The following WDR86 variants were observed in gnomAD, a reference collection of about 807,000 sequenced individuals.
WDR86 encodes WD repeat domain 86.
WDR86 carries 30 observed loss-of-function variants against 36.5 expected under a neutral mutation model. The ratio of observed to expected loss-of-function variants is 0.82; its 90% CI spans 0.61 to 1.11. The LOEUF (loss-of-function observed/expected upper bound fraction) is 1.11. Ranked by LOEUF, WDR86 falls within the 50% of genes most tolerant of loss-of-function variation. The pLI, the probability that WDR86 is intolerant of heterozygous loss-of-function variation, is 0.00. For missense variants in WDR86, 545 were observed against 561.2 expected (o/e 0.97, Z 0.29); for synonymous variants, 255 against 252.9 (o/e 1.01, Z -0.08).
chr7:151,403,572 A>G (rs1800489094), intron 1 of WDR86, among the ~76,000 whole-genome samples: 1 of 152,206 alleles, frequency 6.6e-6, no homozygotes, highest in South Asian at 2.1e-4. Flanking sequence ...TAATTTAACA[A>G]AAAAGTTTTC....
intron 3 of WDR86, among the ~76,000 whole-genome samples, chr7:151,395,225 G>C (rs1416464906): frequency 1.3e-5 from 2 of 152,192 alleles, no homozygotes; most frequent in African/African-American, 4.8e-5. Flanking sequence ...ACAGCACAAA[G>C]ACAAACCAGG....
Position 151,382,018 on chromosome 7 carries a change from G to C in WDR86, c.863-37C>G, listed in dbSNP as rs1423875229. On this transcript the variant is annotated intron_variant, in intron 4 of 5. Coordinates refer to ENST00000334493, the MANE Select transcript of WDR86 (RefSeq NM_198285.3). ...CAGCGCGCGCTGGGCCTCCCTCCCT[G>C]CTCGGCCCCCCGCAAGCAGGGATGG... 4.5e-6 allele frequency: 7 copies of C among 1,549,174 alleles called. No homozygotes were observed. In the South Asian group the frequency reaches 7.1e-5, roughly 16 times the overall value.
chr7:151,404,438 A>C (rs1288170015), intron 1 of WDR86, among the ~76,000 whole-genome samples: 2 of 152,126 alleles, frequency 1.3e-5, no homozygotes, highest in Non-Finnish European at 2.9e-5. Flanking sequence ...CCAACAGAGC[A>C]TGTCCCCAAC....
downstream of WDR86, chr7:151,377,018 T>G: frequency 6.7e-7 from 1 of 1,502,990 alleles, no homozygotes. Context: ...CTCACATAAT[T>G]CACTTACTCC....
Position 151,406,187 on chromosome 7 carries a change from C to T in WDR86, c.163+3240G>A, listed in dbSNP as rs540111494. 6.6e-6 allele frequency among the ~76,000 whole-genome samples: 1 copy of T among 152,326 alleles called. No homozygotes were observed. The highest frequency in any genetic ancestry group is 2.1e-4 in the South Asian group (1 of 4,828). On this transcript the variant is annotated intron_variant, in intron 1 of 5. Coordinates refer to ENST00000334493, the MANE Select transcript of WDR86 (RefSeq NM_198285.3). This position sits in a 1 kb window ranked among gnomAD's most constrained non-coding sequence, Gnocchi z 4.4. Reference sequence around the variant, plus strand: ...AATGCACCCACAGGGAGGGGCTCCCCACACGCCGGTTCTGCAGCCCACTCT... The same window carrying T: ...AATGCACCCACAGGGAGGGGCTCCCTACACGCCGGTTCTGCAGCCCACTCT...
In WDR86 at chr7:151,401,882, T is replaced by C. The variant is rs935067394; in HGVS notation, c.164-1641A>G. 4.0e-5 allele frequency among the ~76,000 whole-genome samples: 6 copies of C among 150,716 alleles called. No homozygotes were observed. Among genetic ancestry groups the C allele is most frequent in the Admixed American group, 1.3e-4 (2 of 15,136 alleles). ...GGCTAAGATGGTGAAACCCCGTCTCTACTAAAAATACAAAAAATTAGCCGG... is the reference window on the plus strand; with the variant it reads ...GGCTAAGATGGTGAAACCCCGTCTCCACTAAAAATACAAAAAATTAGCCGG... On this transcript the variant is annotated intron_variant, in intron 1 of 5. Transcript: ENST00000334493. The surrounding 1 kb of genome is among the most constrained non-coding windows in gnomAD (Gnocchi z 4.3).
intron 2 of WDR86, 125 bp downstream of exon 2, chr7:151,399,975 T>C (rs1800162139): frequency 2.2e-6 from 2 of 893,920 alleles, no homozygotes; most frequent in Non-Finnish European, 3.1e-6. Flanking sequence ...CTCCCAGCTG[T>C]CCACGTTTTT....
chr7:151,378,338 C>G (rs1798408474), downstream of WDR86: 1 of 152,182 alleles, frequency 6.6e-6, no homozygotes, highest in African/African-American at 2.4e-5. Context: ...CTGAAATGCT[C>G]CAACTTTTTC....
At chr7:151,395,685 CA>C in intron 3 of WDR86, 90 bp downstream of exon 3, 1 of 1,410,662 alleles carries the variant, frequency 7.1e-7, no homozygotes, top group Non-Finnish European at 9.4e-7. Context: ...CTTTGTTATG[CA>C]GCCGAATCAC....
Position 151,381,587 on chromosome 7 carries a change from C to G in WDR86, c.1126G>C (p.Ala376Pro). 7.3e-7 allele frequency: 1 copy of G among 1,370,608 alleles called. No homozygotes were observed. The highest frequency in any genetic ancestry group is 1.7e-5 in the South Asian group (1 of 58,526). 84.9% of individuals were successfully genotyped at this position (1,370,608 alleles called of 1,614,324 possible). A position where few individuals can be genotyped will look rare whatever the true frequency, so the allele number is the denominator to read the frequency against. Residue 376 changes from alanine (A) to proline (P), a missense_variant, in exon 6 of 6, where the codon GCC becomes CCC. Physicochemically the swap from Ala to Pro is conservative, Grantham distance 27. Coordinates refer to ENST00000334493, the MANE Select transcript of WDR86 (RefSeq NM_198285.3). The surrounding 1 kb of genome is among the most constrained non-coding windows in gnomAD (Gnocchi z 4.8). The part of the protein sequence containing the change: ...VGCAAAPLQP[A>P] ...TCTGCAGGGGCCCCGCGGGATCAGG[C>G]CGGCTGCAGGGGCGCGGCGGCGCAG...
rs935843453 is a variant in WDR86 at position 151,388,447 on chromosome 7, T to C, written c.727-3224A>G. ...CCCCTCAAAGAGCAGGGGAGAGGGC[T>C]GCCCTGCAGCGCAGGGCCACCACAG... On this transcript the variant is annotated intron_variant, in intron 3 of 5. Coordinates refer to ENST00000334493, the MANE Select transcript of WDR86 (RefSeq NM_198285.3). The surrounding 1 kb of genome is among the most constrained non-coding windows in gnomAD (Gnocchi z 4.2). Among the ~76,000 whole-genome samples, 1 of 68,668 alleles carries C rather than the reference T, an allele frequency of 1.5e-5. No individual in the cohort carries two copies. Among genetic ancestry groups the C allele is most frequent in the African/African-American group, 6.2e-5 (1 of 16,026 alleles). The allele number at this position is 68,668 out of a possible 152,430, so 45.0% of individuals were successfully genotyped here.
At chr7:151,394,338 C>G (rs1296841529) in intron 3 of WDR86, among the ~76,000 whole-genome samples, 2 of 152,228 alleles carry the variant, frequency 1.3e-5, no homozygotes, top group Non-Finnish European at 2.9e-5. Context: ...GCCTCTACCC[C>G]TACAACCCCA....
intron 3 of WDR86, among the ~76,000 whole-genome samples, chr7:151,392,219 C>G (rs879381250): frequency 1.3e-5 from 2 of 152,274 alleles, no homozygotes; most frequent in East Asian, 3.9e-4. Context: ...TGCTCCCCTG[C>G]GCCCAGGCCT....
At chr7:151,393,885 C>T (rs1331998794) in intron 3 of WDR86, among the ~76,000 whole-genome samples, 11 of 152,152 alleles carry the variant, frequency 7.2e-5, no homozygotes, top group South Asian at 4.1e-4. Context: ...GGCCGGGGAG[C>T]GTGAAGAGTG....
intron 3 of WDR86, among the ~76,000 whole-genome samples, chr7:151,393,589 C>A (rs377175268): frequency 2.0e-5 from 3 of 152,138 alleles, no homozygotes; most frequent in Admixed American, 6.5e-5. Flanking sequence ...GACATGAGGG[C>A]GAGTCACCAG....
rs1800289241 is a variant in WDR86, at chr7:151,401,513, T to G, written c.164-1272A>C. Among the ~76,000 whole-genome samples the G allele has an allele frequency of 6.6e-6, 1 of 152,208 alleles. No individual in the cohort carries two copies. The highest frequency in any genetic ancestry group is 2.4e-5 in the African/African-American group (1 of 41,442). ...CCTCACCTGGGATGGGGACAATGCC[T>G]GCCTCACGGGATGTAGCGCAGACTG... On this transcript the variant is annotated intron_variant, in intron 1 of 5. Coordinates refer to ENST00000334493, the MANE Select transcript of WDR86 (RefSeq NM_198285.3). The surrounding 1 kb of genome is among the most constrained non-coding windows in gnomAD (Gnocchi z 4.3).
chr7:151,375,136 C>A (rs1423702389), downstream of WDR86, among the ~76,000 whole-genome samples: 1 of 152,162 alleles, frequency 6.6e-6, no homozygotes, highest in Non-Finnish European at 1.5e-5. Flanking sequence ...CCTGCCTTTG[C>A]CTCTTATCCC....
intron 1 of WDR86, among the ~76,000 whole-genome samples, chr7:151,404,283 T>A (rs1432688179): frequency 1.3e-5 from 2 of 151,756 alleles, no homozygotes; most frequent in African/African-American, 4.8e-5. Flanking sequence ...CCCTCTGCCC[T>A]CTGCCCTGTG....
At position 151,405,039 on chromosome 7, in the gene WDR86, T is replaced by G. The variant is rs557416107; in HGVS notation, c.163+4388A>C. Among the ~76,000 whole-genome samples the G allele has an allele frequency of 2.6e-5, 4 of 152,264 alleles. No homozygotes were observed. Among genetic ancestry groups the G allele is most frequent in the Admixed American group, 2.6e-4 (4 of 15,304 alleles). On this transcript the variant is annotated intron_variant, in intron 1 of 5. Coordinates refer to ENST00000334493, the MANE Select transcript of WDR86 (RefSeq NM_198285.3). This position sits in a 1 kb window ranked among gnomAD's most constrained non-coding sequence, Gnocchi z 4.7. ...CTGACCTGGTTTGCTCCAGCCCTTGTAGCACAAGGGTTATTTTCACCTGTG... is the reference window on the plus strand; with the variant it reads ...CTGACCTGGTTTGCTCCAGCCCTTGGAGCACAAGGGTTATTTTCACCTGTG...
Sources: gnomAD v4.1 joint callset for allele counts (sites outside exome capture counted in the v4.1 genomes callset) on GRCh38, gnomAD v4.1.1 for gene constraint, Gnocchi (gnomAD v3.1) non-coding constraint, MANE v1.5 for transcripts, NCBI Gene and HGNC (gene_info 2026-07-23, HGNC 2026-07-21) for gene names.